The following KDM6A variants were observed in gnomAD, a reference collection of about 807,000 sequenced individuals.
KDM6A encodes the protein lysine-specific demethylase 6A.
Under a neutral mutation model 117.6 loss-of-function variants are expected in KDM6A, and 11 were observed. That is an observed-to-expected ratio of 0.09 (90% confidence interval 0.06 to 0.15). The LOEUF (loss-of-function observed/expected upper bound fraction) is 0.15. Ranked by LOEUF, KDM6A falls within the 10% of genes least tolerant of loss-of-function variation. The pLI, the probability that KDM6A is intolerant of heterozygous loss-of-function variation, is 1.00. For synonymous variants in KDM6A, 384 were observed against 396.1 expected (o/e 0.97, Z 0.36); for missense variants, 799 against 1,077.3 (o/e 0.74, Z 3.62).
At chrX:44,957,813 T>A (rs187178685) in intron 2 of KDM6A, among the ~76,000 whole-genome samples, 17 of 112,109 alleles carry the variant, frequency 1.5e-4, no homozygotes, top group African/African-American at 5.5e-4. Context: ...ACATAAGAAA[T>A]TTTGCTTTCC....
chrX:44,937,864 A>T (rs1365040368), intron 2 of KDM6A, among the ~76,000 whole-genome samples: 2 of 112,212 alleles, frequency 1.8e-5, no homozygotes, highest in Non-Finnish European at 3.8e-5. Flanking sequence ...TACAGAGGAA[A>T]CTTTGTTTTT....
chrX:45,043,154 G>A (rs899080653), intron 8 of KDM6A, among the ~76,000 whole-genome samples: 3 of 111,102 alleles, frequency 2.7e-5, no homozygotes, highest in Admixed American at 9.6e-5. Flanking sequence ...GCGGGATATG[G>A]TGGTGCATGC....
intron 2 of KDM6A, among the ~76,000 whole-genome samples, chrX:44,915,157 A>T (rs1381620140): frequency 8.9e-6 from 1 of 111,904 alleles, no homozygotes; most frequent in African/African-American, 3.3e-5. Context: ...CGGTGATAAT[A>T]CGGTGAATAT....
At chrX:44,958,243 C>T (rs1456157250) in intron 2 of KDM6A, among the ~76,000 whole-genome samples, 2 of 102,921 alleles carry the variant, frequency 1.9e-5, no homozygotes, top group African/African-American at 7.3e-5. Flanking sequence ...AGTGCAGTGG[C>T]GCAATCTCGG....
Position 44,908,431 on chromosome X carries a change from G to A in KDM6A, c.225+34444G>A, listed in dbSNP as rs755743624. Among the ~76,000 whole-genome samples, 3 of 111,666 alleles carry A rather than the reference G, an allele frequency of 2.7e-5. No homozygotes were observed. In the East Asian group the frequency reaches 8.5e-4, roughly 31 times the overall value. ...GTTGTGATGACTCATGGCAGAGAGA[G>A]ACTGAAGGATGGCTTCATCACATGT... On this transcript the variant is annotated intron_variant, in intron 2 of 29. Transcript: ENST00000611820.
chrX:44,919,181 G>A (rs777618518), intron 2 of KDM6A, among the ~76,000 whole-genome samples: 1 of 111,484 alleles, frequency 9.0e-6, no homozygotes, highest in South Asian at 3.7e-4. Flanking sequence ...AACCAATATT[G>A]ATACTTTATT....
intron 27 of KDM6A, among the ~76,000 whole-genome samples, chrX:45,097,278 A>AAT (rs1192772753): frequency 1.8e-5 from 2 of 110,961 alleles, no homozygotes; most frequent in Non-Finnish European, 3.8e-5. Context: ...TGGGTGACAA[A>AAT]ATAATCTGTA....
chrX:44,874,783 G>T (rs1400258281), intron 2 of KDM6A, among the ~76,000 whole-genome samples: 1 of 108,225 alleles, frequency 9.2e-6, no homozygotes, highest in African/African-American at 3.4e-5. Context: ...GAAAGTGAAG[G>T]GGGGGGTTAG....
intron 18 of KDM6A, among the ~76,000 whole-genome samples, chrX:45,073,461 A>G (rs911395260): frequency 1.8e-5 from 2 of 112,044 alleles, no homozygotes; most frequent in African/African-American, 6.5e-5. Flanking sequence ...ACTGTCTTCC[A>G]CAATGGTTGA....
chrX:45,016,155 A>AT (rs141112867), intron 5 of KDM6A, among the ~76,000 whole-genome samples: 1,667 of 110,978 alleles, frequency 0.015, 21 homozygotes, highest in Middle Eastern at 0.061. Context: ...CATCTTAAGC[A>AT]TTTTTTTTAA....
chrX:44,968,308 C>G (rs2039137104), intron 3 of KDM6A, among the ~76,000 whole-genome samples: 1 of 112,768 alleles, frequency 8.9e-6, no homozygotes, highest in African/African-American at 3.2e-5. Context: ...TAGAGGCTTT[C>G]AGCAAGCAGG....
Position 44,873,243 on chromosome X carries a change from T to C in KDM6A, c.-309T>C. 1 of 320,020 alleles carries C rather than the reference T, an allele frequency of 3.1e-6. No individual in the cohort carries two copies. The highest frequency in any genetic ancestry group is 7.0e-5 in the South Asian group (1 of 14,302). The allele number at this position is 320,020 out of a possible 1,213,427, so 26.4% of individuals were successfully genotyped here. ...TTGTGTCTCCAACGAATCCCCTCAGTGCTCCCCAGCCCCGCGCGCTCCGGC... is the reference window on the plus strand; with the variant it reads ...TTGTGTCTCCAACGAATCCCCTCAGCGCTCCCCAGCCCCGCGCGCTCCGGC... On this transcript the variant is annotated 5_prime_UTR_variant, in exon 1 of 30. Coordinates refer to ENST00000611820, the MANE Select transcript of KDM6A (RefSeq NM_001291415.2).
chrX:45,101,600 C>G (rs1193750484), intron 27 of KDM6A, among the ~76,000 whole-genome samples: 3 of 110,403 alleles, frequency 2.7e-5, no homozygotes, highest in African/African-American at 9.9e-5. Flanking sequence ...CAAGACAGCT[C>G]CCCATAACAA....
intron 8 of KDM6A, among the ~76,000 whole-genome samples, chrX:45,041,654 G>A (rs1284020418): frequency 1.3e-4 from 15 of 111,139 alleles, no homozygotes. Context: ...TCAGACGATG[G>A]GCGGCCGGGC....
At chrX:44,964,587 G>A (rs915638940) in intron 3 of KDM6A, among the ~76,000 whole-genome samples, 2 of 111,700 alleles carry the variant, frequency 1.8e-5, no homozygotes, top group South Asian at 3.8e-4. Flanking sequence ...GGGTAACCAG[G>A]TGCATTGTCG....
chrX:44,892,988 G>A (rs1244919979), intron 2 of KDM6A, among the ~76,000 whole-genome samples: 3 of 90,391 alleles, frequency 3.3e-5, no homozygotes, highest in African/African-American at 1.2e-4. Flanking sequence ...GGGTGACAGA[G>A]TGAGACTCCA....
At chrX:45,064,839 C>A (rs1166427805) in intron 17 of KDM6A, among the ~76,000 whole-genome samples, 1 of 111,141 alleles carries the variant, frequency 9.0e-6, no homozygotes, top group Non-Finnish European at 1.9e-5. Flanking sequence ...TTGGTGGGAC[C>A]CTGATCTAAA....
At chrX:45,027,368 C>CACACACACACACACACA (rs1569523974) in intron 6 of KDM6A, among the ~76,000 whole-genome samples, 1 of 110,402 alleles carries the variant, frequency 9.1e-6, no homozygotes, top group African/African-American at 3.3e-5. Context: ...CACACACACA[C>CACACACACACACACACA]CCGCCCGTCT....
At chrX:44,944,566 C>T (rs776994813) in intron 2 of KDM6A, among the ~76,000 whole-genome samples, 5 of 111,319 alleles carry the variant, frequency 4.5e-5, no homozygotes, top group East Asian at 2.8e-4. Flanking sequence ...ATCTTCTCTG[C>T]GCTTATTTAG....
Sources: gnomAD v4.1 joint callset for allele counts (sites outside exome capture counted in the v4.1 genomes callset) on GRCh38, gnomAD v4.1.1 for gene constraint, MANE v1.5 for transcripts, NCBI Gene and HGNC (gene_info 2026-07-23, HGNC 2026-07-21) for gene names.